The following LPA variants were observed in gnomAD, a reference collection of about 807,000 sequenced individuals.
The protein encoded by LPA is lipoprotein(a), also known as apolipoprotein(a).
In LPA, 199 loss-of-function variants were observed where a neutral mutation model predicts 197.9. The ratio of observed to expected loss-of-function variants is 1.01; its 90% confidence interval spans 0.90 to 1.13. The LOEUF (loss-of-function observed/expected upper bound fraction) is 1.13, where lower values mean the gene tolerates loss of function less well. LPA is among the 50% of genes most tolerant of loss of function. The pLI, the probability that LPA is intolerant of heterozygous loss-of-function variation, is 0.00. For synonymous variants in LPA, 715 were observed against 639.5 expected (o/e 1.12, Z -1.78); for missense variants, 1,853 against 1,785.8 (o/e 1.04, Z -0.68).
chr6:160,538,094 T>G (rs1430748472), intron 36 of LPA, 133 bp from the exon 37 acceptor site: 12 of 737,378 alleles, frequency 1.6e-5, no homozygotes, highest in Non-Finnish European at 2.7e-5. Context: ...CACAGAACAA[T>G]GTAGAACACA....
intron 32 of LPA, among the ~76,000 whole-genome samples, chr6:160,546,369 A>G (rs1778071525): frequency 6.6e-6 from 1 of 152,114 alleles, no homozygotes; most frequent in South Asian, 2.1e-4. Context: ...TGCACTGGAG[A>G]GGGCATAGAG....
chr6:160,576,279 A>ACCACTGGTGCTTCAGGC (rs1485981817), intron 28 of LPA, among the ~76,000 whole-genome samples: 2 of 146,266 alleles, frequency 1.4e-5, no homozygotes, highest in Non-Finnish European at 3.0e-5. Context: ...GTCCTTTCAG[A>ACCACTGGTGCTTCAGGC]CCACTGGTGC....
At chr6:160,654,085 A>ATAT (rs1270786272) in intron 1 of LPA, among the ~76,000 whole-genome samples, 20 of 47,234 alleles carry the variant, frequency 4.2e-4, no homozygotes, top group African/African-American at 6.5e-4. Flanking sequence ...TATATATTAT[A>ATAT]TATATTATAT....
Position 160,568,508 on chromosome 6 carries a change from T to A in LPA, c.4631+8628A>T, listed in dbSNP as rs546714474. On this transcript the variant is annotated intron_variant, in intron 28 of 38. Coordinates refer to ENST00000316300, the MANE Select transcript of LPA (RefSeq NM_005577.4). ...ATCTCAAAATAATAAGAGCTATTTATGACAAACCCATAGCCAATATCATAC... is the reference window on the plus strand; with the variant it reads ...ATCTCAAAATAATAAGAGCTATTTAAGACAAACCCATAGCCAATATCATAC... Among the ~76,000 whole-genome samples, 4 of 152,328 alleles carry A rather than the reference T, an allele frequency of 2.6e-5. No homozygotes were observed. The East Asian group carries it at 7.7e-4, about 29-fold the overall frequency.
At chr6:160,584,331 CTTCT>C (rs1191796422) in intron 26 of LPA, among the ~76,000 whole-genome samples, 11 of 132,622 alleles carry the variant, frequency 8.3e-5, no homozygotes, top group East Asian at 2.3e-4. Flanking sequence ...TCTTCTTCTT[CTTCT>C]TTTTTTTTTT....
At chr6:160,551,912 C>A (rs949300144) in intron 30 of LPA, among the ~76,000 whole-genome samples, 2 of 141,162 alleles carry the variant, frequency 1.4e-5, no homozygotes, top group African/African-American at 2.6e-5. Flanking sequence ...TAACACATAT[C>A]CTTTTTTTTT....
In LPA at chr6:160,540,144, T is replaced by A; in HGVS notation, c.5634A>T (p.Ala1878=). Residue 1878 remains alanine, a synonymous_variant, in exon 36 of 39, where the codon GCA becomes GCT. Transcript: ENST00000316300. The part of the protein sequence containing the change: ...RPSSYKVILG[A]HQEVNLESHV... ...GAGATTCGAGGTTCACTTCTTGGTG[T>A]GCACCCAGGATGACCTTGTAGGATG... 1 of 1,614,152 alleles carries A rather than the reference T, an allele frequency of 6.2e-7. No homozygotes were observed. Among genetic ancestry groups the A allele is most frequent in the Non-Finnish European group, 8.5e-7 (1 of 1,180,034 alleles).
At chr6:160,548,725 C>G in intron 30 of LPA, 66 bp from the exon 31 acceptor site, 1 of 1,545,710 alleles carries the variant, frequency 6.5e-7, no homozygotes, top group Non-Finnish European at 8.9e-7. Flanking sequence ...CCAGCACCCT[C>G]TACATTTTGT....
rs577029966 is a variant in LPA at position 160,542,819 on chromosome 6, A to G, written c.5399-11T>C. On this transcript the variant is annotated splice_polypyrimidine_tract_variant and intron_variant, in intron 33 of 38. Coordinates refer to ENST00000316300, the MANE Select transcript of LPA (RefSeq NM_005577.4). ...CAAATGAAGAGGATGCTGTGGCACA[A>G]GGTGGGAAAAGAAGTCGCATTTGAG... 8 of 1,613,890 alleles carry G rather than the reference A, an allele frequency of 5.0e-6. No homozygotes were observed. In the African/African-American group the frequency reaches 8.0e-5, roughly 16 times the overall value.
Position 160,586,375 on chromosome 6 carries a change from T to C in LPA, c.4129+74A>G, listed in dbSNP as rs73594892. 745 of 1,557,812 alleles carry C rather than the reference T, an allele frequency of 4.8e-4. 4 individuals carry two copies. In the African/African-American group the frequency reaches 9.0e-3, roughly 19 times the overall value. On this transcript the variant is annotated intron_variant, in intron 25 of 38. Coordinates refer to ENST00000316300, the MANE Select transcript of LPA (RefSeq NM_005577.4). ...CTTCCTGTGCAGCATGGAAGTTTTCTGCATCACAAAGATTTTGCAAATCTT... is the reference window on the plus strand; with the variant it reads ...CTTCCTGTGCAGCATGGAAGTTTTCCGCATCACAAAGATTTTGCAAATCTT...
chr6:160,548,711 A>C lies in LPA; in HGVS notation c.4974-52T>G, dbSNP rs776953380. The C allele has an allele frequency of 1.9e-6, 3 of 1,569,264 alleles. No individual in the cohort carries two copies. The South Asian group carries it at 3.3e-5, about 17-fold the overall frequency. On this transcript the variant is annotated intron_variant, in intron 30 of 38. Transcript: ENST00000316300. Reference sequence around the variant, plus strand: ...ACAGGAGGCGGAAGAATATTCAGGGACATCCAGCACCCTCTACATTTTGTT... The same window carrying C: ...ACAGGAGGCGGAAGAATATTCAGGGCCATCCAGCACCCTCTACATTTTGTT...
Position 160,652,285 on chromosome 6 carries a change from G to A in LPA, c.50-1788C>T, listed in dbSNP as rs148766443. ...AGTCAAACTGTTGAAAAACAAAGAT[G>A]AGAATATCTTAAAGGCAGTCAGAGA... On this transcript the variant is annotated intron_variant, in intron 1 of 38. Transcript: ENST00000316300. 3.0e-4 allele frequency among the ~76,000 whole-genome samples: 46 copies of A among 152,116 alleles called. 1 individual carries two copies. Among genetic ancestry groups the A allele is most frequent in the African/African-American group, 1.1e-3 (44 of 41,544 alleles).
intron 30 of LPA, among the ~76,000 whole-genome samples, chr6:160,551,533 A>T (rs1437792645): frequency 6.6e-6 from 1 of 152,192 alleles, no homozygotes; most frequent in Non-Finnish European, 1.5e-5. Context: ...ATGAGTTTTC[A>T]TGAAAGCCCA....
intron 4 of LPA, among the ~76,000 whole-genome samples, chr6:160,643,074 T>A (rs1582895661): frequency 7.0e-6 from 1 of 142,540 alleles, no homozygotes; most frequent in East Asian, 2.0e-4. Flanking sequence ...TGAGTATGGG[T>A]GTGTTTTCAG....
In LPA at chr6:160,646,715, A is replaced by T. The variant is rs1360184509; in HGVS notation, c.210-320T>A. 2.2e-5 allele frequency among the ~76,000 whole-genome samples: 3 copies of T among 138,550 alleles called. No individual in the cohort carries two copies. In the Admixed American group the frequency reaches 2.2e-4, roughly 10 times the overall value. The allele number at this position is 138,550 out of a possible 152,430, so 90.9% of individuals were successfully genotyped here. A position where few individuals can be genotyped will look rare whatever the true frequency, so the allele number is the denominator to read the frequency against. ...TCTCCTTCTGCCTTCTGCCCAATCC[A>T]TCTCTCTGGAATAACTGGTATGGGT... On this transcript the variant is annotated intron_variant, in intron 2 of 38. Coordinates refer to ENST00000316300, the MANE Select transcript of LPA (RefSeq NM_005577.4).
chr6:160,598,455 C>T (rs1239210773), intron 20 of LPA, among the ~76,000 whole-genome samples: 1 of 152,198 alleles, frequency 6.6e-6, no homozygotes, highest in Non-Finnish European at 1.5e-5. Flanking sequence ...GGAAGGGTCT[C>T]CTTGAAGAAA....
intron 37 of LPA, among the ~76,000 whole-genome samples, chr6:160,536,826 A>C (rs1245900239): frequency 6.6e-6 from 1 of 152,244 alleles, no homozygotes; most frequent in Non-Finnish European, 1.5e-5. Context: ...GGAAAATGAC[A>C]GAAAAAGGGA....
At chr6:160,653,927 GAT>G (rs1164179239) in intron 1 of LPA, among the ~76,000 whole-genome samples, 1 of 43,170 alleles carries the variant, frequency 2.3e-5, no homozygotes, top group African/African-American at 9.3e-5. Context: ...GAACTAATAG[GAT>G]ATATATATAT....
chr6:160,564,428 C>T (rs1023515816), intron 28 of LPA, among the ~76,000 whole-genome samples: 2 of 152,066 alleles, frequency 1.3e-5, no homozygotes, highest in East Asian at 3.9e-4. Flanking sequence ...TGCCCTTGAA[C>T]ATCAGACTCC....
Sources: allele counts gnomAD v4.1 joint callset (sites outside exome capture counted in the v4.1 genomes callset), GRCh38; gene constraint gnomAD v4.1.1; transcripts MANE v1.5; gene names NCBI Gene and HGNC (gene_info 2026-07-23, HGNC 2026-07-21).